Variants in KATNIP observed in about 807,000 individuals in gnomAD.
KATNIP encodes the protein katanin-interacting protein.
In KATNIP, 126 loss-of-function variants were observed where a neutral mutation model predicts 174.0. The observed-to-expected ratio is 0.72, with a 90% CI of 0.63 to 0.84. KATNIP has a LOEUF of 0.84. Ranked by LOEUF, KATNIP falls within the 40% of genes least tolerant of loss-of-function variation. The pLI is 0.00. For missense variants in KATNIP, 1,958 were observed against 2,109.7 expected (o/e 0.93, Z 1.41); for synonymous variants, 810 against 835.7 (o/e 0.97, Z 0.53).
chr16:27,713,788 A>G (rs1417632828), intron 13 of KATNIP, among the ~76,000 whole-genome samples: 31 of 89,148 alleles, frequency 3.5e-4, no homozygotes, highest in African/African-American at 1.0e-3. Flanking sequence ...CATATTATAT[A>G]TGTGTGTGTG....
At chr16:27,709,009 T>G (rs2079447604) in intron 13 of KATNIP, 89 bp downstream of exon 13, 1 of 1,080,616 alleles carries the variant, frequency 9.3e-7, no homozygotes, top group Admixed American at 2.1e-5. Context: ...AGGGTATGAG[T>G]GGAGGGAGGG....
chr16:27,766,282 C>A, intron 19 of KATNIP, 27 bp from the exon 20 acceptor site: 2 of 1,611,200 alleles, frequency 1.2e-6, no homozygotes, highest in Non-Finnish European at 1.7e-6. Flanking sequence ...GAGCCGCCCC[C>A]CTGCCGCTCC....
intron 6 of KATNIP, among the ~76,000 whole-genome samples, chr16:27,650,168 G>A (rs2077075476): frequency 1.6e-5 from 1 of 64,074 alleles, no homozygotes; most frequent in South Asian, 9.6e-4. Context: ...GTGAAACTGT[G>A]TCTAAAAAAA....
chr16:27,621,007 T>G (rs2076178100), intron 3 of KATNIP, among the ~76,000 whole-genome samples: 1 of 152,084 alleles, frequency 6.6e-6, no homozygotes, highest in African/African-American at 2.4e-5. Flanking sequence ...AATTAAGAAA[T>G]CCAACATTGA....
intron 22 of KATNIP, among the ~76,000 whole-genome samples, chr16:27,772,089 CAACAT>C (rs1422976548): frequency 6.6e-6 from 1 of 152,014 alleles, no homozygotes; most frequent in African/African-American, 2.4e-5. Context: ...CTAGCCTGGG[CAACAT>C]AATGAGACTC....
intron 13 of KATNIP, among the ~76,000 whole-genome samples, chr16:27,717,090 C>T (rs1244064537): frequency 1.3e-5 from 2 of 152,170 alleles, no homozygotes. Flanking sequence ...GATCCGCCCA[C>T]CTCAGCCTCT....
chr16:27,556,021 G>A (rs2089611348), intron 1 of KATNIP, among the ~76,000 whole-genome samples: 3 of 151,786 alleles, frequency 2.0e-5, no homozygotes, highest in East Asian at 1.9e-4. Context: ...CCAGATACTC[G>A]GGAGGCTGAG....
intron 13 of KATNIP, among the ~76,000 whole-genome samples, chr16:27,710,133 G>A (rs1242448515): frequency 6.6e-6 from 1 of 152,184 alleles, no homozygotes; most frequent in Non-Finnish European, 1.5e-5. Flanking sequence ...GCCGAGGTGG[G>A]CGGATCACCT....
At chr16:27,679,471 G>A (rs971222904) in intron 7 of KATNIP, among the ~76,000 whole-genome samples, 8 of 152,078 alleles carry the variant, frequency 5.3e-5, no homozygotes, top group African/African-American at 9.7e-5. Context: ...GAGTTTGGAG[G>A]GGGCCAGGCA....
intron 6 of KATNIP, among the ~76,000 whole-genome samples, chr16:27,652,274 G>T (rs2077143325): frequency 6.6e-6 from 1 of 152,192 alleles, no homozygotes; most frequent in African/African-American, 2.4e-5. Flanking sequence ...TCCCCTTGAT[G>T]AGGTGATACT....
Position 27,703,954 on chromosome 16 carries a change from G to A in KATNIP, c.1345G>A (p.Gly449Ser), listed in dbSNP as rs143325975. 2.1e-4 allele frequency: 337 copies of A among 1,614,160 alleles called. No individual in the cohort carries two copies. In the African/African-American group the frequency reaches 3.2e-3, roughly 15 times the overall value. ...QAVESDSAHL[G>S]RVVSPTKEQV... ...CGTCGAAAGTGACTCTGCCCATCTCGGCAGGGTGGTTTCACCAACCAAGGA... is the reference window on the plus strand; with the variant it reads ...CGTCGAAAGTGACTCTGCCCATCTCAGCAGGGTGGTTTCACCAACCAAGGA... Residue 449 changes from glycine (G) to serine (S), a missense_variant, in exon 12 of 28, where the codon GGC becomes AGC. Gly to Ser is a moderately conservative substitution (Grantham distance 56, BLOSUM62 0). Around this residue, in one of 3 missense-constraint regions of KATNIP, gnomAD observed 1,557 missense variants for 1,617.8 expected, o/e 0.96. Transcript: ENST00000261588.
chr16:27,754,393 G>A (rs2143882453), intron 18 of KATNIP, 142 bp downstream of exon 18: 1 of 698,510 alleles, frequency 1.4e-6, no homozygotes, highest in Non-Finnish European at 2.4e-6. Flanking sequence ...TGGGGCAAGT[G>A]GAGGCTGAAA....
rs144839093 is a variant in KATNIP, at chr16:27,650,050, A to G, written c.540+1315A>G. Among the ~76,000 whole-genome samples the G allele has an allele frequency of 1.1e-4, 17 of 152,252 alleles. No homozygotes were observed. The East Asian group carries it at 3.1e-3, about 28-fold the overall frequency. ...TAGCTGGGCGTGGTGGTGTGCGCCT[A>G]TAATCCCAGCTGCTTGGGAGGCTGA... On this transcript the variant is annotated intron_variant, in intron 6 of 27. Transcript: ENST00000261588.
chr16:27,575,850 C>G (rs2090478082), intron 2 of KATNIP, among the ~76,000 whole-genome samples: 1 of 152,222 alleles, frequency 6.6e-6, no homozygotes, highest in Admixed American at 6.5e-5. Flanking sequence ...AAGTGTCGCC[C>G]AAGTGGGCAG....
chr16:27,747,611 G>A (rs2081340254), intron 15 of KATNIP, among the ~76,000 whole-genome samples: 1 of 152,226 alleles, frequency 6.6e-6, no homozygotes. Context: ...GATACTGTCG[G>A]CATTGATCCA....
intron 6 of KATNIP, among the ~76,000 whole-genome samples, chr16:27,655,036 G>A (rs984991760): frequency 3.3e-5 from 5 of 151,424 alleles, no homozygotes; most frequent in Admixed American, 6.6e-5. Context: ...AACTGAGGCC[G>A]GAGGATCACT....
chr16:27,604,834 A>G (rs2075650658), intron 2 of KATNIP, among the ~76,000 whole-genome samples: 3 of 152,190 alleles, frequency 2.0e-5, no homozygotes, highest in Admixed American at 1.3e-4. Context: ...GTCTGTATTT[A>G]TGTCTATGGT....
chr16:27,640,852 G>A (rs958090664), intron 5 of KATNIP, among the ~76,000 whole-genome samples: 1 of 152,024 alleles, frequency 6.6e-6, no homozygotes, highest in African/African-American at 2.4e-5. Context: ...AGACGAGAGA[G>A]AGGCCGGGCG....
chr16:27,759,970 T>A (rs545821135), intron 18 of KATNIP, among the ~76,000 whole-genome samples: 25 of 152,262 alleles, frequency 1.6e-4, no homozygotes, highest in Admixed American at 1.3e-3. Context: ...TGCTCAGAGT[T>A]ACCTTGGCAC....
Sources: allele counts gnomAD v4.1 joint callset (sites outside exome capture counted in the v4.1 genomes callset), GRCh38; gene constraint gnomAD v4.1.1; regional missense constraint gnomAD v4.1.1; transcripts MANE v1.5; gene names NCBI Gene and HGNC (gene_info 2026-07-23, HGNC 2026-07-21).